CEP128: variants seen among roughly 807,000 people sequenced by gnomAD.
The protein encoded by CEP128 is centrosomal protein 128, also known as centrosomal protein 128kDa.
A neutral mutation model predicts 156.7 loss-of-function variants in CEP128; 132 were observed. The ratio of observed to expected loss-of-function variants is 0.84; its 90% CI spans 0.73 to 0.97. CEP128 has a LOEUF of 0.97. CEP128 is among the 50% of genes least tolerant of loss of function. The probability of loss-of-function intolerance (pLI) is 0.00; values close to 1 mark genes in which losing one functional copy is unlikely to be tolerated. For synonymous variants in CEP128, 469 were observed against 448.9 expected, an observed-to-expected ratio of 1.04 and a Z score of -0.57; for missense variants, 1,252 against 1,281.9, an observed-to-expected ratio of 0.98 and a Z score of 0.36.
At chr14:80,480,031 G>A (rs1887020239) in intron 14 of CEP128, among the ~76,000 whole-genome samples, 1 of 152,212 alleles carries the variant, frequency 6.6e-6, no homozygotes, top group Non-Finnish European at 1.5e-5. Flanking sequence ...CTGTGGCTTT[G>A]CAGGGTACAG....
At chr14:80,758,609 C>T (rs896922262) in intron 17 of CEP128, among the ~76,000 whole-genome samples, 1 of 151,232 alleles carries the variant, frequency 6.6e-6, no homozygotes, top group African/African-American at 2.4e-5. Context: ...TACTGCATAT[C>T]AAGATGTCAC....
chr14:80,632,767 C>T (rs1349821098), intron 19 of CEP128, among the ~76,000 whole-genome samples: 2 of 151,996 alleles, frequency 1.3e-5, no homozygotes, highest in Non-Finnish European at 2.9e-5. Context: ...AAGCTTCTCA[C>T]GGGTGTATGT....
chr14:80,526,876 C>T lies in CEP128; in HGVS notation c.3065G>A (p.Ser1022Asn). 6.3e-7 allele frequency: 1 copy of T among 1,583,860 alleles called. No individual in the cohort carries two copies. The highest frequency in any genetic ancestry group is 2.2e-5 in the East Asian group (1 of 44,640). ...HQDDTKYRTK[S>N]FKGDRTFLEG... ...GTATATAAAGAAAATTACTTTGAAACTTTTGGTTCTGTACTTGGTGTCATC... is the reference window on the plus strand; with the variant it reads ...GTATATAAAGAAAATTACTTTGAAATTTTTGGTTCTGTACTTGGTGTCATC... Residue 1022 changes from serine (S) to asparagine (N), a missense_variant, in exon 23 of 25, where the codon AGT becomes AAT. Coordinates refer to ENST00000555265, the MANE Select transcript of CEP128 (RefSeq NM_152446.5).
intron 19 of CEP128, among the ~76,000 whole-genome samples, chr14:80,596,635 C>A (rs887323531): frequency 1.3e-5 from 2 of 151,288 alleles, no homozygotes; most frequent in African/African-American, 4.9e-5. Flanking sequence ...ACAGTGAGAT[C>A]CCTTCTCTAT....
rs774191735 is a variant in CEP128 at position 80,906,067 on chromosome 14, C to T, written c.249G>A (p.Leu83=). 6.3e-7 allele frequency: 1 copy of T among 1,595,770 alleles called. No individual in the cohort carries two copies. The highest frequency in any genetic ancestry group is 8.5e-7 in the Non-Finnish European group (1 of 1,174,776). Residue 83 remains leucine, a synonymous_variant, in exon 5 of 25, where the codon TTG becomes TTA. Coordinates refer to ENST00000555265, the MANE Select transcript of CEP128 (RefSeq NM_152446.5). ...TCCGGAGTTGGTCGATTGATTGTTC[C>T]AAGCTTTCTTTTAACTAATTTAAAG... The part of the protein sequence containing the change: ...AGAIEHLKES[L]EQSIDQLRSQ...
chr14:80,804,975 G>T (rs1054343109), intron 13 of CEP128, among the ~76,000 whole-genome samples: 2 of 152,064 alleles, frequency 1.3e-5, no homozygotes, highest in Non-Finnish European at 2.9e-5. Flanking sequence ...GCAAGTTCCT[G>T]TTCTTCAACT....
intron 19 of CEP128, among the ~76,000 whole-genome samples, chr14:80,698,629 A>C (rs1483029097): frequency 6.6e-6 from 1 of 152,190 alleles, no homozygotes; most frequent in Non-Finnish European, 1.5e-5. Context: ...AGCACTTTTC[A>C]AAAATTAAAG....
intron 9 of CEP128, among the ~76,000 whole-genome samples, chr14:80,846,617 GAA>G (rs1213804082): frequency 1.3e-5 from 2 of 152,096 alleles, no homozygotes; most frequent in African/African-American, 4.8e-5. Flanking sequence ...GAATTTTGGA[GAA>G]AGACAGTTAA....
At chr14:80,487,483 C>A (rs373213092), downstream of CEP128, among the ~76,000 whole-genome samples, 7 of 152,112 alleles carry the variant, frequency 4.6e-5, no homozygotes, top group East Asian at 1.9e-4. Flanking sequence ...AGAAAGTTAA[C>A]AAGGATACCC....
At chr14:80,840,800 C>T in intron 9 of CEP128, 32 bp from the exon 10 acceptor site, 1 of 1,331,888 alleles carries the variant, frequency 7.5e-7, no homozygotes, top group Non-Finnish European at 1.1e-6. Flanking sequence ...AAAATTATCC[C>T]AAAATATGTA....
chr14:80,958,993 A>C (rs746169490), intron 1 of CEP128, among the ~76,000 whole-genome samples: 15 of 152,228 alleles, frequency 9.9e-5, no homozygotes, highest in Admixed American at 2.6e-4. Context: ...TGGTGCCGAG[A>C]ACAACTCTTT....
chr14:80,815,041 G>C (rs1440810660), intron 13 of CEP128, among the ~76,000 whole-genome samples: 2 of 152,178 alleles, frequency 1.3e-5, no homozygotes, highest in Non-Finnish European at 2.9e-5. Context: ...CTTGGCAACA[G>C]AGCGAGACTC....
intron 15 of CEP128, among the ~76,000 whole-genome samples, chr14:80,779,204 ATG>A (rs1900964536): frequency 6.6e-6 from 1 of 152,200 alleles, no homozygotes; most frequent in South Asian, 2.1e-4. Flanking sequence ...CCTAAAATAT[ATG>A]TTTCTTTTAT....
intron 9 of CEP128, among the ~76,000 whole-genome samples, chr14:80,842,645 G>T (rs550347488): frequency 1.1e-4 from 17 of 151,570 alleles, no homozygotes; most frequent in African/African-American, 4.1e-4. Context: ...TTTTTTTAAG[G>T]GTGTAAGCCT....
intron 2 of CEP128, among the ~76,000 whole-genome samples, chr14:80,949,500 T>C (rs548615838): frequency 5.9e-5 from 9 of 152,078 alleles, no homozygotes; most frequent in Admixed American, 3.9e-4. Context: ...GAGGTAAAAT[T>C]GTCTGTTGCT....
intron 23 of CEP128, among the ~76,000 whole-genome samples, chr14:80,506,791 G>A (rs1035776445): frequency 5.3e-5 from 8 of 152,128 alleles, no homozygotes; most frequent in African/African-American, 1.7e-4. Flanking sequence ...CCAAAGGCAC[G>A]AACATAATCC....
At chr14:80,592,293 A>G (rs1330325342) in intron 19 of CEP128, among the ~76,000 whole-genome samples, 1 of 152,228 alleles carries the variant, frequency 6.6e-6, no homozygotes, top group Non-Finnish European at 1.5e-5. Context: ...AGAATCAAAT[A>G]GACACAATAA....
At chr14:80,502,750 C>A (rs1887796103) in intron 24 of CEP128, among the ~76,000 whole-genome samples, 1 of 151,930 alleles carries the variant, frequency 6.6e-6, no homozygotes, top group African/African-American at 2.4e-5. Flanking sequence ...TACTCATTTG[C>A]CGTAAGTTCT....
chr14:80,796,185 C>T lies in CEP128; in HGVS notation c.1210-3075G>A, dbSNP rs139711533. Among the ~76,000 whole-genome samples, 445 of 152,188 alleles carry T rather than the reference C, an allele frequency of 2.9e-3. 1 individual carries two copies. Among genetic ancestry groups the T allele is most frequent in the Non-Finnish European group, 4.5e-3 (307 of 67,998 alleles). On this transcript the variant is annotated intron_variant, in intron 13 of 24. Coordinates refer to ENST00000555265, the MANE Select transcript of CEP128 (RefSeq NM_152446.5). Reference sequence around the variant, plus strand: ...AAGATCCCCAAAGATCACCTACAGCCAAATACAATAACTCTTTAAAAATCT... The same window carrying T: ...AAGATCCCCAAAGATCACCTACAGCTAAATACAATAACTCTTTAAAAATCT...
Sources: allele counts gnomAD v4.1 joint callset (sites outside exome capture counted in the v4.1 genomes callset), GRCh38; gene constraint gnomAD v4.1.1; transcripts MANE v1.5; gene names NCBI Gene and HGNC (gene_info 2026-07-23, HGNC 2026-07-21).